The following RIMBP2 variants were observed in gnomAD, a reference collection of about 807,000 sequenced individuals.
The protein encoded by RIMBP2 is RIMS binding protein 2.
RIMBP2 carries 48 observed loss-of-function variants against 118.6 expected under a neutral mutation model. The ratio of observed to expected loss-of-function variants is 0.40; its 90% CI spans 0.32 to 0.51. The LOEUF is 0.51. RIMBP2 is among the 20% of genes least tolerant of loss of function. The pLI is 0.41. For synonymous variants in RIMBP2, 762 were observed against 742.9 expected (o/e 1.03, Z -0.42); for missense variants, 1,551 against 1,768.3 (o/e 0.88, Z 2.20).
intron 2 of RIMBP2, among the ~76,000 whole-genome samples, chr12:130,522,806 G>A (rs893033549): frequency 3.3e-5 from 5 of 152,116 alleles, no homozygotes; most frequent in African/African-American, 7.2e-5. Context: ...CCCCAAATTC[G>A]TACTTTGAAG....
At chr12:130,440,829 G>T (rs1390049565) in intron 11 of RIMBP2, among the ~76,000 whole-genome samples, 1 of 152,176 alleles carries the variant, frequency 6.6e-6, no homozygotes, top group Non-Finnish European at 1.5e-5. Flanking sequence ...GCTCTGTCAG[G>T]CTCTAGCTGA....
chr12:130,436,708 C>T (rs2077541440), intron 13 of RIMBP2, 134 bp downstream of exon 13: 2 of 592,608 alleles, frequency 3.4e-6, no homozygotes, highest in African/African-American at 1.9e-5. Context: ...ACCAGCAAAG[C>T]GGTGGGCTGA....
intron 21 of RIMBP2, among the ~76,000 whole-genome samples, chr12:130,401,290 A>G (rs1396612725): frequency 2.0e-5 from 3 of 151,806 alleles, no homozygotes; most frequent in Non-Finnish European, 4.4e-5. Context: ...TAATTTTTGT[A>G]TTTTTAGTAG....
At chr12:130,632,136 G>C (rs931309170) in intron 1 of RIMBP2, among the ~76,000 whole-genome samples, 2 of 152,188 alleles carry the variant, frequency 1.3e-5, no homozygotes, top group African/African-American at 4.8e-5. Flanking sequence ...AAATAAAAGA[G>C]ACGTTTCTAA....
intron 11 of RIMBP2, among the ~76,000 whole-genome samples, chr12:130,439,626 G>C (rs1223703979): frequency 1.3e-5 from 1 of 78,960 alleles, no homozygotes; most frequent in Non-Finnish European, 2.4e-5. Flanking sequence ...TGGGTGTGTG[G>C]GGGTGTCTGT....
At chr12:130,689,220 G>A (rs886496293) in intron 1 of RIMBP2, among the ~76,000 whole-genome samples, 2 of 152,146 alleles carry the variant, frequency 1.3e-5, no homozygotes, top group South Asian at 4.1e-4. Flanking sequence ...ATCATCTGAG[G>A]TCAGGAGTTC....
At chr12:130,613,935 A>G (rs980402538) in intron 2 of RIMBP2, among the ~76,000 whole-genome samples, 13 of 152,110 alleles carry the variant, frequency 8.5e-5, no homozygotes, top group South Asian at 2.1e-4. Flanking sequence ...TAGGACCCCA[A>G]TGACAGCAGA....
At chr12:130,637,373 T>C (rs534940817) in intron 1 of RIMBP2, among the ~76,000 whole-genome samples, 1 of 152,344 alleles carries the variant, frequency 6.6e-6, no homozygotes, top group East Asian at 1.9e-4. Flanking sequence ...CAGGAAACAC[T>C]GGATTGACAC....
At chr12:130,573,738 G>A (rs763229764) in intron 2 of RIMBP2, among the ~76,000 whole-genome samples, 117 of 152,190 alleles carry the variant, frequency 7.7e-4, no homozygotes, top group Middle Eastern at 3.4e-3. Context: ...GTGGAGAAAC[G>A]CAGGAAGCCA....
chr12:130,644,605 T>C (rs539595853), intron 1 of RIMBP2, among the ~76,000 whole-genome samples: 3 of 152,318 alleles, frequency 2.0e-5, no homozygotes, highest in South Asian at 4.1e-4. Flanking sequence ...GCCCAGTGTC[T>C]GCGTATAAAG....
At chr12:130,496,235 C>G (rs1054613153) in intron 4 of RIMBP2, among the ~76,000 whole-genome samples, 1 of 152,166 alleles carries the variant, frequency 6.6e-6, no homozygotes, top group African/African-American at 2.4e-5. Context: ...ATAAATCTCA[C>G]AAGATCTGAA....
rs1053435477 is a variant in RIMBP2 at position 130,424,393 on chromosome 12, G to A, written c.2878C>T (p.Arg960Trp). The change falls in exon 16 of 23, where the codon CGG (arginine) becomes TGG (tryptophan). Residue 960 changes from arginine (R) to tryptophan (W), a missense_variant. Around this residue, in one of 5 missense-constraint regions of RIMBP2, gnomAD observed 1,038 missense variants for 1,125.1 expected, o/e 0.92. Coordinates refer to ENST00000690449, the MANE Select transcript of RIMBP2 (RefSeq NM_001393629.1). This position sits in a 1 kb window ranked among gnomAD's most constrained non-coding sequence, Gnocchi z 9.8. ...CRRGPRPLLA[R>W]RRTLTRQSSV... ...CTCTGCCGGGTCAGCGTCCGCCGCC[G>A]GGCCAGCAGCGGCCTCGGGCCCCTC... The A allele has an allele frequency of 1.2e-4, 142 of 1,232,538 alleles. 1 individual carries two copies. Among genetic ancestry groups the A allele is most frequent in the East Asian group, 1.1e-3 (35 of 31,706 alleles). 76.4% of individuals were successfully genotyped at this position (1,232,538 alleles called of 1,614,324 possible).
chr12:130,450,127 G>T lies in RIMBP2; in HGVS notation c.581+73C>A. The T allele has an allele frequency of 1.0e-6, 1 of 964,168 alleles. No individual in the cohort carries two copies. Among genetic ancestry groups the T allele is most frequent in the South Asian group, 1.4e-5 (1 of 72,716 alleles). 59.7% of individuals were successfully genotyped at this position (964,168 alleles called of 1,614,324 possible). A position where few individuals can be genotyped will look rare whatever the true frequency, so the allele number is the denominator to read the frequency against. ...GGAGAAGGGAACTTCTCAGACCCCA[G>T]AGTGTTCCCAGACCCAACATCTCAT... On this transcript the variant is annotated intron_variant, in intron 9 of 22. Coordinates refer to ENST00000690449, the MANE Select transcript of RIMBP2 (RefSeq NM_001393629.1). The surrounding 1 kb of genome is among the most constrained non-coding windows in gnomAD (Gnocchi z 4.8).
intron 1 of RIMBP2, chr12:130,668,168 C>T (rs1244888063): frequency 1.3e-5 from 2 of 152,170 alleles, no homozygotes. Context: ...ACCTGCGAAA[C>T]CCGACCCAAT....
intron 4 of RIMBP2, among the ~76,000 whole-genome samples, chr12:130,485,061 T>C (rs1257802266): frequency 1.4e-5 from 2 of 141,282 alleles, no homozygotes; most frequent in Admixed American, 7.0e-5. Flanking sequence ...GAAAACCCTT[T>C]CCCACTGGAC....
chr12:130,457,879 G>A (rs566394536), intron 6 of RIMBP2, among the ~76,000 whole-genome samples: 6 of 152,300 alleles, frequency 3.9e-5, no homozygotes, highest in East Asian at 3.9e-4. Context: ...ATGCAAAGCC[G>A]CTTTCTTGCC....
rs572161542 is a variant in RIMBP2, at chr12:130,478,921, A to T, written c.93T>A (p.Leu31=). 6.2e-7 allele frequency: 1 copy of T among 1,612,584 alleles called. No homozygotes were observed. Among genetic ancestry groups the T allele is most frequent in the South Asian group, 1.1e-5 (1 of 90,992 alleles). The change falls in exon 5 of 23, where the codon CTT becomes CTA. Residue 31 remains leucine, a synonymous_variant. Transcript: ENST00000690449. ...VLSAKQQEID[L]LQKAQVEAKK... Reference sequence around the variant, plus strand: ...GCTGCCCGCCGCTTACCTTCTGCAGAAGGTCAATTTCCTGCTGCTTGGCAC... The same window carrying T: ...GCTGCCCGCCGCTTACCTTCTGCAGTAGGTCAATTTCCTGCTGCTTGGCAC...
intron 1 of RIMBP2, among the ~76,000 whole-genome samples, chr12:130,635,195 G>T (rs1490267957): frequency 1.3e-5 from 2 of 152,160 alleles, no homozygotes; most frequent in East Asian, 1.9e-4. Flanking sequence ...CACATCCACT[G>T]CATGGGCTGC....
intron 1 of RIMBP2, among the ~76,000 whole-genome samples, chr12:130,646,066 C>A (rs1594134984): frequency 2.4e-5 from 3 of 125,268 alleles, no homozygotes; most frequent in Non-Finnish European, 5.3e-5. Flanking sequence ...TCACCACCTG[C>A]CTCTCCACCT....
Sources: gnomAD v4.1 joint callset for allele counts (sites outside exome capture counted in the v4.1 genomes callset) on GRCh38, gnomAD v4.1.1 for gene constraint, gnomAD v4.1.1 regional missense constraint, Gnocchi (gnomAD v3.1) non-coding constraint, MANE v1.5 for transcripts, NCBI Gene and HGNC (gene_info 2026-07-23, HGNC 2026-07-21) for gene names.